COQ10A: variants seen among roughly 807,000 people sequenced by gnomAD.
COQ10A encodes the protein coenzyme Q-binding protein COQ10 homolog A, mitochondrial.
Under a neutral mutation model 26.1 loss-of-function variants are expected in COQ10A, and 25 were observed. The ratio of observed to expected loss-of-function variants is 0.96; its 90% CI spans 0.70 to 1.34. The LOEUF is 1.34. COQ10A is among the 40% of genes most tolerant of loss of function. The probability of loss-of-function intolerance (pLI) is 0.00; values close to 1 mark genes in which losing one functional copy is unlikely to be tolerated. For synonymous variants in COQ10A, 132 were observed against 124.0 expected (o/e 1.06, Z -0.43); for missense variants, 312 against 335.4 (o/e 0.93, Z 0.54).
At position 56,270,786 on chromosome 12, in the gene COQ10A, C is replaced by A. The variant is rs1872497613; in HGVS notation, c.*469C>A. The A allele has an allele frequency of 1.3e-5, 2 of 153,100 alleles. No individual in the cohort carries two copies. Among genetic ancestry groups the A allele is most frequent in the Non-Finnish European group, 2.9e-5 (2 of 68,732 alleles). 9.5% of individuals were successfully genotyped at this position (153,100 alleles called of 1,614,324 possible). A position where few individuals can be genotyped will look rare whatever the true frequency, so the allele number is the denominator to read the frequency against. On this transcript the variant is annotated 3_prime_UTR_variant, in exon 5 of 5. Coordinates refer to ENST00000308197, the MANE Select transcript of COQ10A (RefSeq NM_144576.4). ...CTCCAGCCTGAAATACATAAAGCCTCATTTTAAGACTGTAAGTCCATGCTG... is the reference window on the plus strand; with the variant it reads ...CTCCAGCCTGAAATACATAAAGCCTAATTTTAAGACTGTAAGTCCATGCTG...
Position 56,270,442 on chromosome 12 carries a change from A to G in COQ10A, c.*125A>G. 1 of 1,037,862 alleles carries G rather than the reference A, an allele frequency of 9.6e-7. No individual in the cohort carries two copies. The allele number at this position is 1,037,862 out of a possible 1,614,324, so 64.3% of individuals were successfully genotyped here. A position where few individuals can be genotyped will look rare whatever the true frequency, so the allele number is the denominator to read the frequency against. ...GTTCATAATACTGTTTCTCCTCTCAATTTCCCAGAAATTGGGTTCTATGCT... is the reference window on the plus strand; with the variant it reads ...GTTCATAATACTGTTTCTCCTCTCAGTTTCCCAGAAATTGGGTTCTATGCT... On this transcript the variant is annotated 3_prime_UTR_variant, in exon 5 of 5. Transcript: ENST00000308197.
chr12:56,270,383 G>A lies in COQ10A; in HGVS notation c.*66G>A, dbSNP rs1872483298. ...CCTACACAATTCTCTTATTTATTTG[G>A]TTTGGCTCCTGTTCCAATTTGAAAG... On this transcript the variant is annotated 3_prime_UTR_variant, in exon 5 of 5. Transcript: ENST00000308197. 6 of 1,513,308 alleles carry A rather than the reference G, an allele frequency of 4.0e-6. No individual in the cohort carries two copies. The highest frequency in any genetic ancestry group is 5.4e-6 in the Non-Finnish European group (6 of 1,111,008). 93.7% of individuals were successfully genotyped at this position (1,513,308 alleles called of 1,614,324 possible). A position where few individuals can be genotyped will look rare whatever the true frequency, so the allele number is the denominator to read the frequency against.
At chr12:56,269,351 T>C in intron 3 of COQ10A, 100 bp downstream of exon 3, 1 of 1,453,520 alleles carries the variant, frequency 6.9e-7, no homozygotes, top group Non-Finnish European at 9.6e-7. Context: ...TATGTCCATG[T>C]GTCAAGTATT....
At position 56,270,578 on chromosome 12, in the gene COQ10A, G is replaced by A. The variant is rs541320249; in HGVS notation, c.*261G>A. On this transcript the variant is annotated 3_prime_UTR_variant, in exon 5 of 5. Transcript: ENST00000308197. ...CATATGCCTGCAGCCTTTTCACTAC[G>A]AATTAGAATAAGGACTATGTGGTTG... is the stretch of plus-strand genomic sequence containing the variant. The A allele has an allele frequency of 3.6e-5, 15 of 416,512 alleles. No individual in the cohort carries two copies. Among genetic ancestry groups the A allele is most frequent in the Non-Finnish European group, 5.6e-5 (13 of 230,724 alleles). 25.8% of individuals were successfully genotyped at this position (416,512 alleles called of 1,614,324 possible). A position where few individuals can be genotyped will look rare whatever the true frequency, so the allele number is the denominator to read the frequency against.
At position 56,270,362 on chromosome 12, in the gene COQ10A, C is replaced by T; in HGVS notation, c.*45C>T. 6.4e-7 allele frequency: 1 copy of T among 1,567,244 alleles called. No individual in the cohort carries two copies. The highest frequency in any genetic ancestry group is 8.7e-7 in the Non-Finnish European group (1 of 1,147,166). ...ACCTCCCTTCTACCCCACTTCCCTA[C>T]ACAATTCTCTTATTTATTTGGTTTG... On this transcript the variant is annotated 3_prime_UTR_variant, in exon 5 of 5. Coordinates refer to ENST00000308197, the MANE Select transcript of COQ10A (RefSeq NM_144576.4).
At chr12:56,268,854 C>T (rs559861658) in intron 2 of COQ10A, 1 of 541,228 alleles carries the variant, frequency 1.8e-6, no homozygotes, top group African/African-American at 1.9e-5. Context: ...AATGCAAAAG[C>T]ATTCTGTAAA....
chr12:56,268,344 G>A (rs573468562), intron 2 of COQ10A: 4 of 191,564 alleles, frequency 2.1e-5, no homozygotes, highest in South Asian at 8.5e-5. Flanking sequence ...AGCCTGGCAC[G>A]GTGGCGGGCG....
At chr12:56,269,028 G>C in intron 2 of COQ10A, 31 bp from the exon 3 acceptor site, 1 of 1,601,616 alleles carries the variant, frequency 6.2e-7, no homozygotes, top group Non-Finnish European at 8.5e-7. Flanking sequence ...CCAGCTGGCA[G>C]CTCCTTGGCC....
At position 56,266,975 on chromosome 12, in the gene COQ10A, A is replaced by G. The variant is rs528920140; in HGVS notation, c.-144A>G. ...CCTACCCGGCAGCCTGGACGGGAGC[A>G]AGGCGAGAGGTGCTGCCGCCTCCCG... On this transcript the variant is annotated 5_prime_UTR_variant, in exon 1 of 5. Transcript: ENST00000308197. 144 of 840,146 alleles carry G rather than the reference A, an allele frequency of 1.7e-4. No individual in the cohort carries two copies. The South Asian group carries it at 7.4e-3, about 43-fold the overall frequency. 52.0% of individuals were successfully genotyped at this position (840,146 alleles called of 1,614,324 possible). A position where few individuals can be genotyped will look rare whatever the true frequency, so the allele number is the denominator to read the frequency against.
At chr12:56,267,539 A>G in intron 1 of COQ10A, 1 of 1,402,590 alleles carries the variant, frequency 7.1e-7, no homozygotes, top group Non-Finnish European at 1.0e-6. Context: ...GGCCCAGTCA[A>G]AGGCAACTGG....
In COQ10A at chr12:56,267,180, G is replaced by A. The variant is rs1307004977; in HGVS notation, c.62G>A (p.Cys21Tyr). 1 of 1,368,428 alleles carries A rather than the reference G, an allele frequency of 7.3e-7. No individual in the cohort carries two copies. Among genetic ancestry groups the A allele is most frequent in the Non-Finnish European group, 9.4e-7 (1 of 1,066,416 alleles). 84.8% of individuals were successfully genotyped at this position (1,368,428 alleles called of 1,614,324 possible). The change falls in exon 1 of 5, where the codon TGC (cysteine) becomes TAC (tyrosine). Residue 21 changes from cysteine to tyrosine, a missense_variant. By Grantham distance (194) the Cys-to-Tyr change is radical (BLOSUM62 -2). Transcript: ENST00000308197. ...ACGCGCGCGGCAGCCGAGCGCTGCT[G>A]CCGGCTCTCGCTCAGCCCGGGCGCG... ...AGTRAAAERC[C>Y]RLSLSPGAQP...
chr12:56,269,604 G>A, intron 4 of COQ10A, 43 bp downstream of exon 4: 1 of 1,313,478 alleles, frequency 7.6e-7, no homozygotes, highest in South Asian at 1.2e-5. Context: ...GACTGGGTAT[G>A]AGGAAGGGCT....
Position 56,267,173 on chromosome 12 carries a change from C to A in COQ10A, c.55C>A (p.Arg19Ser), listed in dbSNP as rs568001082. The A allele has an allele frequency of 1.1e-3, 1,534 of 1,352,922 alleles. 48 individuals are homozygous for A. The Admixed American group carries it at 0.039, about 34-fold the overall frequency. The allele number at this position is 1,352,922 out of a possible 1,614,324, so 83.8% of individuals were successfully genotyped here. ...VPAGTRAAAE[R>S]CCRLSLSPGA... ...AGCTGGGACGCGCGCGGCAGCCGAG[C>A]GCTGCTGCCGGCTCTCGCTCAGCCC... The change falls in exon 1 of 5, where the codon CGC (arginine) becomes AGC (serine). Residue 19 changes from arginine to serine, a missense_variant. Transcript: ENST00000308197.
chr12:56,269,053 T>C lies in COQ10A; in HGVS notation c.282-6T>C, dbSNP rs759187631. ...GCTCCTTGGCCTGTGATTCTTCTTC[T>C]CCTAGGTACTCAATGCAGGAGATGT... On this transcript the variant is annotated splice_polypyrimidine_tract_variant and splice_region_variant and intron_variant, in intron 2 of 4. Transcript: ENST00000308197. The C allele has an allele frequency of 6.2e-7, 1 of 1,611,646 alleles. No homozygotes were observed. The highest frequency in any genetic ancestry group is 1.1e-5 in the South Asian group (1 of 91,010).
At chr12:56,268,055 TC>T in intron 2 of COQ10A, 115 bp downstream of exon 2, 1 of 1,308,016 alleles carries the variant, frequency 7.6e-7, no homozygotes, top group Non-Finnish European at 1.1e-6. Flanking sequence ...GCCATCCCCC[TC>T]CCCAGCTACA....
At chr12:56,267,994 C>A in intron 2 of COQ10A, 54 bp downstream of exon 2, 1 of 1,600,662 alleles carries the variant, frequency 6.2e-7, no homozygotes, top group Non-Finnish European at 8.5e-7. Flanking sequence ...CCAAATAACC[C>A]TGTCCAGGCA....
intron 4 of COQ10A, 198 bp from the exon 5 acceptor site, chr12:56,269,952 T>C: frequency 1.6e-6 from 1 of 612,802 alleles, no homozygotes; most frequent in South Asian, 1.9e-5. Flanking sequence ...TAAGTATAGC[T>C]AGCATTTCCC....
intron 4 of COQ10A, chr12:56,269,921 C>T (rs951619262): frequency 3.2e-5 from 18 of 567,882 alleles, no homozygotes; most frequent in African/African-American, 1.3e-4. Context: ...GCCACCGCAC[C>T]GACCTGACAG....
intron 1 of COQ10A, chr12:56,267,580 C>A: frequency 9.0e-7 from 1 of 1,117,256 alleles, no homozygotes. Flanking sequence ...TTCTCATCCC[C>A]CTCACCCCGC....
Sources: gnomAD v4.1 joint callset for allele counts on GRCh38, gnomAD v4.1.1 for gene constraint, MANE v1.5 for transcripts, NCBI Gene and HGNC (gene_info 2026-07-23, HGNC 2026-07-21) for gene names.